SEMA3C: variants seen among roughly 807,000 people sequenced by gnomAD.
SEMA3C encodes semaphorin 3C, also known as semaphorin-3C.
Under a neutral mutation model 89.4 loss-of-function variants are expected in SEMA3C, and 47 were observed. The observed-to-expected ratio is 0.53, with a 90% CI of 0.42 to 0.67. SEMA3C has a LOEUF of 0.67. Ranked by LOEUF, SEMA3C falls within the 30% of genes least tolerant of loss-of-function variation. The pLI is 0.00. For missense variants in SEMA3C, 839 were observed against 929.1 expected, an observed-to-expected ratio of 0.90 and a Z score of 1.26; for synonymous variants, 310 against 320.2, an observed-to-expected ratio of 0.97 and a Z score of 0.34.
At chr7:80,840,089 A>G (rs1032582815) in intron 2 of SEMA3C, among the ~76,000 whole-genome samples, 1 of 152,114 alleles carries the variant, frequency 6.6e-6, no homozygotes, top group Non-Finnish European at 1.5e-5. Context: ...ATAGCTCTCT[A>G]TAACACAATG....
chr7:80,896,945 C>A (rs1325725860), intron 2 of SEMA3C, among the ~76,000 whole-genome samples: 1 of 152,076 alleles, frequency 6.6e-6, no homozygotes, highest in East Asian at 1.9e-4. Flanking sequence ...GTGTTCCGAT[C>A]TCAAAAGAAA....
At chr7:80,922,249 C>CA (rs1169896286), upstream of SEMA3C, 1 of 1,288,180 alleles carries the variant, frequency 7.8e-7, no homozygotes, top group Admixed American at 2.3e-5. Context: ...CAATAAGTTT[C>CA]AATACTTCCT....
intron 12 of SEMA3C, among the ~76,000 whole-genome samples, chr7:80,780,752 T>C (rs1788673731): frequency 6.6e-6 from 1 of 151,926 alleles, no homozygotes; most frequent in Non-Finnish European, 1.5e-5. Context: ...GGCGCGGTGG[T>C]GTGCACCTGT....
At chr7:80,857,459 T>C (rs1199519833) in intron 2 of SEMA3C, among the ~76,000 whole-genome samples, 1 of 152,222 alleles carries the variant, frequency 6.6e-6, no homozygotes, top group Non-Finnish European at 1.5e-5. Context: ...GATTCACTGC[T>C]AATTCAGCCA....
chr7:80,754,966 T>TTTGTTTTTTTTGTTTTTTTTTG (rs369121267), intron 15 of SEMA3C, among the ~76,000 whole-genome samples: 1 of 139,038 alleles, frequency 7.2e-6, no homozygotes, highest in Non-Finnish European at 1.6e-5. Flanking sequence ...TGTTTTTTTT[T>TTTGTTTTTTTTGTTTTTTTTTG]TTTTTGTATT....
chr7:80,823,224 C>A (rs993776348), intron 4 of SEMA3C, among the ~76,000 whole-genome samples: 3 of 152,152 alleles, frequency 2.0e-5, no homozygotes, highest in African/African-American at 7.2e-5. Flanking sequence ...CTATGCACTG[C>A]TCTAAGCTCT....
chr7:80,803,289 T>C (rs1371647276), intron 8 of SEMA3C, among the ~76,000 whole-genome samples: 1 of 152,150 alleles, frequency 6.6e-6, no homozygotes, highest in East Asian at 1.9e-4. Context: ...TAATTATACA[T>C]TATAAGGAGA....
intron 2 of SEMA3C, among the ~76,000 whole-genome samples, chr7:80,829,996 G>A (rs538217868): frequency 1.2e-4 from 19 of 152,182 alleles, no homozygotes; most frequent in Admixed American, 8.5e-4. Context: ...GACTTAAACC[G>A]AAATCAAAAT....
At chr7:80,871,160 T>A (rs751121361) in intron 2 of SEMA3C, among the ~76,000 whole-genome samples, 2 of 152,300 alleles carry the variant, frequency 1.3e-5, no homozygotes, top group African/African-American at 4.8e-5. Flanking sequence ...TTGTAAGAAA[T>A]GCACGAAGGT....
chr7:80,914,017 A>C (rs991749987), intron 2 of SEMA3C, among the ~76,000 whole-genome samples: 1 of 152,220 alleles, frequency 6.6e-6, no homozygotes, highest in African/African-American at 2.4e-5. Context: ...GATGGAGAAG[A>C]ATTCAAGACA....
chr7:80,848,050 T>C (rs1311952678), intron 2 of SEMA3C, among the ~76,000 whole-genome samples: 1 of 152,204 alleles, frequency 6.6e-6, no homozygotes, highest in Admixed American at 6.5e-5. Flanking sequence ...ATATTTCCTT[T>C]GCTATACATG....
At chr7:80,909,728 CTT>C (rs1371555884) in intron 2 of SEMA3C, among the ~76,000 whole-genome samples, 1 of 152,008 alleles carries the variant, frequency 6.6e-6, no homozygotes, top group African/African-American at 2.4e-5. Flanking sequence ...CAAACGAGCT[CTT>C]GATTACAAGA....
chr7:80,756,854 C>T (rs767040897), intron 15 of SEMA3C, among the ~76,000 whole-genome samples: 31 of 152,272 alleles, frequency 2.0e-4, no homozygotes, highest in Middle Eastern at 3.4e-3. Context: ...TCCTGCTTAC[C>T]ACTTATTGTA....
intron 11 of SEMA3C, among the ~76,000 whole-genome samples, chr7:80,797,513 C>T (rs910917412): frequency 3.9e-5 from 6 of 152,162 alleles, no homozygotes; most frequent in Non-Finnish European, 8.8e-5. Context: ...TAGTTCTAAT[C>T]TGTGTTACTT....
At chr7:80,778,215 T>C (rs1204901643) in intron 12 of SEMA3C, among the ~76,000 whole-genome samples, 2 of 152,246 alleles carry the variant, frequency 1.3e-5, no homozygotes, top group African/African-American at 4.8e-5. Context: ...TGTGAATTAC[T>C]AAAAATTACA....
At chr7:80,857,741 T>C (rs764990850) in intron 2 of SEMA3C, among the ~76,000 whole-genome samples, 4 of 152,196 alleles carry the variant, frequency 2.6e-5, no homozygotes, top group Non-Finnish European at 5.9e-5. Flanking sequence ...AATAGTTTGA[T>C]CATATTAGTT....
intron 2 of SEMA3C, among the ~76,000 whole-genome samples, chr7:80,905,236 G>A (rs1187325252): frequency 8.6e-6 from 1 of 116,642 alleles, no homozygotes; most frequent in Non-Finnish European, 1.8e-5. Flanking sequence ...GAGAGAGAGG[G>A]AGAGAGAGGG....
Position 80,804,176 on chromosome 7 carries a change from AAGAAGAAGTACAC to A in SEMA3C, c.718_730del (p.Val240SerfsTer5). ...GTTATTGTCAGTCAGTTTTTCTTTG[AAGAAGAAGTACAC>A]CTTAGCATCATTTGGATCAGTACCA... On this transcript the variant is annotated frameshift_variant, in exon 8 of 18. Transcript: ENST00000265361. LOFTEE classifies it high-confidence loss of function. 6.2e-7 allele frequency: 1 copy of A among 1,613,036 alleles called. No individual in the cohort carries two copies. The highest frequency in any genetic ancestry group is 8.5e-7 in the Non-Finnish European group (1 of 1,179,300).
chr7:80,912,105 T>G (rs1248402584), intron 2 of SEMA3C, among the ~76,000 whole-genome samples: 1 of 152,184 alleles, frequency 6.6e-6, no homozygotes. Context: ...AGAATCAAGC[T>G]TATTATAATC....
Sources: allele counts gnomAD v4.1 joint callset (sites outside exome capture counted in the v4.1 genomes callset), GRCh38; gene constraint gnomAD v4.1.1; transcripts MANE v1.5; gene names NCBI Gene and HGNC (gene_info 2026-07-23, HGNC 2026-07-21).